The following STXBP5L variants were observed in gnomAD, a reference collection of about 807,000 sequenced individuals.
STXBP5L encodes the protein syntaxin-binding protein 5-like.
STXBP5L carries 65 observed loss-of-function variants against 144.5 expected under a neutral mutation model. The observed-to-expected ratio is 0.45, with a 90% CI of 0.37 to 0.55. The LOEUF (loss-of-function observed/expected upper bound fraction) is 0.55, where lower values mean the gene tolerates loss of function less well. STXBP5L is among the 20% of genes least tolerant of loss of function. STXBP5L has a pLI of 0.00. For missense variants in STXBP5L, 1,298 were observed against 1,405.5 expected (o/e 0.92, Z 1.22); for synonymous variants, 505 against 469.6 (o/e 1.08, Z -0.97).
intron 3 of STXBP5L, among the ~76,000 whole-genome samples, chr3:121,033,935 A>ATG (rs1946567394): frequency 6.6e-6 from 1 of 152,080 alleles, no homozygotes; most frequent in Admixed American, 6.6e-5. Flanking sequence ...AACTCTTATT[A>ATG]AAAATAGTAT....
intron 20 of STXBP5L, among the ~76,000 whole-genome samples, chr3:121,351,966 T>C (rs1327710007): frequency 2.6e-5 from 4 of 152,164 alleles, no homozygotes; most frequent in Admixed American, 2.6e-4. Context: ...CTTATTTTTG[T>C]CAGGTTTGTC....
At chr3:121,035,058 A>T (rs1239346337) in intron 3 of STXBP5L, among the ~76,000 whole-genome samples, 2 of 151,938 alleles carry the variant, frequency 1.3e-5, no homozygotes, top group Non-Finnish European at 2.9e-5. Context: ...CTGTTTTTTA[A>T]TGGGGTTATT....
chr3:121,375,822 C>T (rs1329914293), intron 20 of STXBP5L, among the ~76,000 whole-genome samples: 1 of 152,016 alleles, frequency 6.6e-6, no homozygotes, highest in Non-Finnish European at 1.5e-5. Context: ...TTCAACATGG[C>T]CAATAAACAT....
chr3:121,378,960 G>T, intron 21 of STXBP5L, 74 bp downstream of exon 21: 5 of 1,407,322 alleles, frequency 3.6e-6, no homozygotes, highest in South Asian at 1.3e-5. Flanking sequence ...CAGAGATATG[G>T]GATGGAGATC....
At chr3:121,197,419 T>G (rs1295310379) in intron 9 of STXBP5L, among the ~76,000 whole-genome samples, 1 of 152,150 alleles carries the variant, frequency 6.6e-6, no homozygotes, top group Non-Finnish European at 1.5e-5. Context: ...TGTTCATGCC[T>G]TTTTTCCTTG....
At chr3:120,922,841 T>A (rs2107589974) in intron 2 of STXBP5L, among the ~76,000 whole-genome samples, 1 of 152,150 alleles carries the variant, frequency 6.6e-6, no homozygotes. Context: ...TTTTATTGTG[T>A]CTTTGTCTGG....
chr3:121,321,864 A>G (rs1452349296), intron 20 of STXBP5L, among the ~76,000 whole-genome samples: 1 of 152,126 alleles, frequency 6.6e-6, no homozygotes, highest in African/African-American at 2.4e-5. Flanking sequence ...TTCAACTTTT[A>G]TTTTAGATTC....
chr3:121,374,357 A>T (rs762647135), intron 20 of STXBP5L, among the ~76,000 whole-genome samples: 1 of 152,218 alleles, frequency 6.6e-6, no homozygotes. Flanking sequence ...TGACAGTTAT[A>T]CCAGCTGTGG....
At chr3:121,300,535 T>C (rs1016643733) in intron 19 of STXBP5L, among the ~76,000 whole-genome samples, 1 of 151,938 alleles carries the variant, frequency 6.6e-6, no homozygotes, top group Non-Finnish European at 1.5e-5. Flanking sequence ...TTTTTCAACA[T>C]AGGAGAAGTG....
intron 5 of STXBP5L, among the ~76,000 whole-genome samples, chr3:121,085,583 C>G (rs1213219616): frequency 6.6e-6 from 1 of 152,070 alleles, no homozygotes; most frequent in Non-Finnish European, 1.5e-5. Flanking sequence ...ACAATTGCTA[C>G]AAAGAGAATA....
chr3:121,020,201 T>A (rs1011909327), intron 3 of STXBP5L, among the ~76,000 whole-genome samples: 1 of 152,124 alleles, frequency 6.6e-6, no homozygotes, highest in African/African-American at 2.4e-5. Context: ...ACAGGACTTT[T>A]GATTTAATCC....
chr3:121,285,773 GTTTC>G (rs2051211360), intron 19 of STXBP5L, among the ~76,000 whole-genome samples: 1 of 152,034 alleles, frequency 6.6e-6, no homozygotes, highest in Admixed American at 6.6e-5. Context: ...ATCACTCTGA[GTTTC>G]TTTCTTCTAA....
chr3:121,170,613 C>A (rs2046672747), intron 9 of STXBP5L, among the ~76,000 whole-genome samples: 1 of 151,990 alleles, frequency 6.6e-6, no homozygotes, highest in South Asian at 2.1e-4. Context: ...AAATTCCTAA[C>A]CACATATACC....
At chr3:121,028,179 T>C (rs2107492301) in intron 3 of STXBP5L, among the ~76,000 whole-genome samples, 1 of 152,260 alleles carries the variant, frequency 6.6e-6, no homozygotes, top group East Asian at 1.9e-4. Flanking sequence ...AGCTGAATTA[T>C]TTCAAAATCA....
chr3:121,055,559 G>A (rs922920872), intron 5 of STXBP5L, among the ~76,000 whole-genome samples: 1 of 152,070 alleles, frequency 6.6e-6, no homozygotes, highest in South Asian at 2.1e-4. Flanking sequence ...CTCCCAGGCT[G>A]GAGTGCAATG....
rs551793389 is a variant in STXBP5L at position 121,424,362 on chromosome 3, C to T, written c.*5265C>T. The T allele has an allele frequency of 1.3e-5, 2 of 152,212 alleles. No individual in the cohort carries two copies. The highest frequency in any genetic ancestry group is 4.1e-4 in the South Asian group (2 of 4,820). The allele number at this position is 152,212 out of a possible 1,614,324, so 9.4% of individuals were successfully genotyped here. ...CCAGTGCCCTGAAAGGGTGCTTACA[C>T]CTTCAAAAAAGGAGAGTCCAGCCTA... is the stretch of plus-strand genomic sequence containing the variant. On this transcript the variant is annotated 3_prime_UTR_variant, in exon 27 of 27. Transcript: ENST00000471454.
At chr3:121,155,209 C>T (rs1419098284) in intron 8 of STXBP5L, among the ~76,000 whole-genome samples, 1 of 151,798 alleles carries the variant, frequency 6.6e-6, no homozygotes, top group Admixed American at 6.6e-5. Flanking sequence ...TGCTATCATT[C>T]CTCTTTAGTT....
intron 20 of STXBP5L, among the ~76,000 whole-genome samples, chr3:121,324,915 A>C (rs2044093672): frequency 6.6e-6 from 1 of 152,018 alleles, no homozygotes; most frequent in South Asian, 2.1e-4. Flanking sequence ...TAGAGAATTC[A>C]GTGAAATCTT....
At chr3:120,995,494 G>A (rs185420640) in intron 3 of STXBP5L, among the ~76,000 whole-genome samples, 69 of 151,464 alleles carry the variant, frequency 4.6e-4, no homozygotes, top group Non-Finnish European at 7.7e-4. Context: ...TTACCTTCTT[G>A]TGCATTAATT....
Sources: gnomAD v4.1 joint callset for allele counts (sites outside exome capture counted in the v4.1 genomes callset) on GRCh38, gnomAD v4.1.1 for gene constraint, MANE v1.5 for transcripts, NCBI Gene and HGNC (gene_info 2026-07-23, HGNC 2026-07-21) for gene names.